CACNB4: variants seen among roughly 807,000 people sequenced by gnomAD.
The protein encoded by CACNB4 is calcium voltage-gated channel auxiliary subunit beta 4, also known as voltage-dependent L-type calcium channel subunit beta-4.
CACNB4 carries 32 observed loss-of-function variants against 71.2 expected under a neutral mutation model. That is an observed-to-expected ratio of 0.45 (90% CI 0.34 to 0.60). The LOEUF (loss-of-function observed/expected upper bound fraction) is 0.60, where lower values mean the gene tolerates loss of function less well. CACNB4 is among the 20% of genes least tolerant of loss of function. The pLI is 0.01. For missense variants in CACNB4, 464 were observed against 647.9 expected (o/e 0.72, Z 3.08); for synonymous variants, 231 against 236.9 (o/e 0.97, Z 0.23).
At chr2:151,982,460 T>C (rs56839722) in intron 2 of CACNB4, among the ~76,000 whole-genome samples, 1,916 of 152,000 alleles carry the variant, frequency 0.013, 36 homozygotes, top group African/African-American at 0.043. Flanking sequence ...AGTGAAACCC[T>C]GTCTCTACTA....
chr2:151,965,518 A>G (rs574987282), intron 2 of CACNB4, among the ~76,000 whole-genome samples: 39 of 152,344 alleles, frequency 2.6e-4, no homozygotes, highest in Admixed American at 7.2e-4. Context: ...GCTGAAGAAA[A>G]TTCTGTAAAG....
chr2:152,036,444 C>T lies in CACNB4; in HGVS notation c.147+61886G>A, dbSNP rs145494606. Among the ~76,000 whole-genome samples, 23 of 152,182 alleles carry T rather than the reference C, an allele frequency of 1.5e-4. No individual in the cohort carries two copies. In the East Asian group the frequency reaches 3.5e-3, roughly 23 times the overall value. ...CCTCCCAAGTAGCTGGGATTACAGG[C>T]GCGCGCCACCATGCCTGGCTAATTT... is the stretch of plus-strand genomic sequence containing the variant. On this transcript the variant is annotated intron_variant, in intron 2 of 13. Coordinates refer to ENST00000539935, the MANE Select transcript of CACNB4 (RefSeq NM_000726.5).
At chr2:151,947,564 C>G (rs1250562063) in intron 2 of CACNB4, among the ~76,000 whole-genome samples, 2 of 152,138 alleles carry the variant, frequency 1.3e-5, no homozygotes, top group African/African-American at 2.4e-5. Context: ...TCCCAAGTGG[C>G]CTGAGAATGT....
chr2:151,839,475 T>A, intron 13 of CACNB4, 96 bp from the exon 14 acceptor site: 1 of 981,066 alleles, frequency 1.0e-6, no homozygotes, highest in Non-Finnish European at 1.5e-6. Context: ...TACAATAAGA[T>A]GCTAAATATC....
intron 2 of CACNB4, among the ~76,000 whole-genome samples, chr2:152,095,740 C>T (rs752588279): frequency 1.3e-4 from 20 of 152,184 alleles, no homozygotes; most frequent in Non-Finnish European, 2.8e-4. Context: ...CAACCTCCAC[C>T]GCCTAGGTTC....
At chr2:152,062,689 G>A (rs1375083106) in intron 2 of CACNB4, among the ~76,000 whole-genome samples, 1 of 152,126 alleles carries the variant, frequency 6.6e-6, no homozygotes, top group Non-Finnish European at 1.5e-5. Flanking sequence ...AGCAGCTCCT[G>A]GCCTCTCCCA....
chr2:151,928,815 G>A (rs2099860910), intron 2 of CACNB4, among the ~76,000 whole-genome samples: 1 of 151,732 alleles, frequency 6.6e-6, no homozygotes, highest in Non-Finnish European at 1.5e-5. Flanking sequence ...TCCCAGCTGA[G>A]GCTGGAGAAT....
intron 2 of CACNB4, among the ~76,000 whole-genome samples, chr2:151,998,627 C>T (rs1682211780): frequency 6.6e-6 from 1 of 152,192 alleles, no homozygotes; most frequent in African/African-American, 2.4e-5. Context: ...ATTATCCTTC[C>T]TCTCAGTATT....
intron 2 of CACNB4, among the ~76,000 whole-genome samples, chr2:152,027,860 A>G (rs1470973957): frequency 1.5e-5 from 2 of 137,064 alleles, no homozygotes; most frequent in East Asian, 3.9e-4. Flanking sequence ...CTCAAAAAAA[A>G]AAAAAAAAAA....
At chr2:151,965,011 T>A (rs2099870699) in intron 2 of CACNB4, among the ~76,000 whole-genome samples, 1 of 152,176 alleles carries the variant, frequency 6.6e-6, no homozygotes, top group South Asian at 2.1e-4. Flanking sequence ...CATGATCAAG[T>A]GAGATGATTT....
Position 151,833,515 on chromosome 2 carries a change from G to T in CACNB4, c.*5604C>A, listed in dbSNP as rs779848010. On this transcript the variant is annotated 3_prime_UTR_variant, in exon 14 of 14. Transcript: ENST00000539935. ...TGTTATTGAAAGAGAAGAAATAAGA[G>T]GAGAAAATATGGTATGAGTGTTATC... 1.3e-4 allele frequency: 20 copies of T among 151,956 alleles called. No individual in the cohort carries two copies. The highest frequency in any genetic ancestry group is 2.4e-4 in the Non-Finnish European group (16 of 67,910). 9.4% of individuals were successfully genotyped at this position (151,956 alleles called of 1,614,324 possible). A position where few individuals can be genotyped will look rare whatever the true frequency, so the allele number is the denominator to read the frequency against.
chr2:151,974,654 T>C (rs935043499), intron 2 of CACNB4, among the ~76,000 whole-genome samples: 3 of 152,202 alleles, frequency 2.0e-5, no homozygotes, highest in African/African-American at 7.2e-5. Flanking sequence ...AAATCTTTAA[T>C]AATCCTGAAG....
intron 2 of CACNB4, among the ~76,000 whole-genome samples, chr2:151,917,116 G>T (rs1198710044): frequency 2.0e-5 from 3 of 152,150 alleles, no homozygotes; most frequent in Admixed American, 6.5e-5. Context: ...TAAAACAAAT[G>T]CTTCAATAAG....
intron 2 of CACNB4, among the ~76,000 whole-genome samples, chr2:152,045,781 T>C (rs577610831): frequency 2.0e-5 from 3 of 152,276 alleles, no homozygotes; most frequent in South Asian, 4.2e-4. Flanking sequence ...GGCATAGCTG[T>C]GCATCCCGCA....
intron 2 of CACNB4, among the ~76,000 whole-genome samples, chr2:152,038,963 G>A (rs1333404763): frequency 6.6e-6 from 1 of 152,140 alleles, no homozygotes; most frequent in Non-Finnish European, 1.5e-5. Context: ...CGGATATAGA[G>A]GAAAGATAAT....
chr2:151,863,169 G>A (rs1301839648), intron 9 of CACNB4, among the ~76,000 whole-genome samples: 2 of 151,800 alleles, frequency 1.3e-5, no homozygotes, highest in African/African-American at 4.8e-5. Flanking sequence ...AGTTTCAAGC[G>A]ATCCTCCCAC....
chr2:151,988,250 T>C (rs1481496595), intron 2 of CACNB4, among the ~76,000 whole-genome samples: 1 of 152,154 alleles, frequency 6.6e-6, no homozygotes, highest in Non-Finnish European at 1.5e-5. Context: ...AGGACGTGAC[T>C]TCCACTACTA....
chr2:152,092,430 G>T (rs1294784113), intron 2 of CACNB4, among the ~76,000 whole-genome samples: 1 of 152,122 alleles, frequency 6.6e-6, no homozygotes, highest in East Asian at 1.9e-4. Flanking sequence ...AAATCTGAAT[G>T]TTTTAGATCT....
At chr2:151,908,962 A>AT (rs896190039) in intron 2 of CACNB4, among the ~76,000 whole-genome samples, 13 of 151,024 alleles carry the variant, frequency 8.6e-5, no homozygotes, top group Non-Finnish European at 1.3e-4. Context: ...AAAGGATTTA[A>AT]TTTTTTTTTA....
Sources: gnomAD v4.1 joint callset for allele counts (sites outside exome capture counted in the v4.1 genomes callset) on GRCh38, gnomAD v4.1.1 for gene constraint, MANE v1.5 for transcripts, NCBI Gene and HGNC (gene_info 2026-07-23, HGNC 2026-07-21) for gene names.